The following ZBTB20 variants were observed in gnomAD, a reference collection of about 807,000 sequenced individuals.
The protein encoded by ZBTB20 is zinc finger and BTB domain containing 20, also known as zinc finger and BTB domain-containing protein 20.
ZBTB20 carries 9 observed loss-of-function variants against 56.9 expected under a neutral mutation model. The observed-to-expected ratio is 0.16, with a 90% CI of 0.10 to 0.28. ZBTB20 has a LOEUF of 0.28. ZBTB20 is among the 10% of genes least tolerant of loss of function. The pLI, the probability that ZBTB20 is intolerant of heterozygous loss-of-function variation, is 1.00. For synonymous variants in ZBTB20, 417 were observed against 420.7 expected (o/e 0.99, Z 0.11); for missense variants, 655 against 1,003.0 (o/e 0.65, Z 4.69).
rs1486870895 is a variant in ZBTB20, at chr3:114,323,562, AAGC to A, written c.*15440_*15442del. 6.6e-6 allele frequency: 1 copy of A among 152,226 alleles called. No homozygotes were observed. The highest frequency in any genetic ancestry group is 6.5e-5 in the Admixed American group (1 of 15,272). 9.4% of individuals were successfully genotyped at this position (152,226 alleles called of 1,614,324 possible). The stretch of plus-strand genomic sequence containing the variant: ...CCCTCTGCCACACTAAAATGTGCAC[AAGC>A]AAGGGGCTTTGTGGAGGAGGCCAAG... On this transcript the variant is annotated 3_prime_UTR_variant, in exon 12 of 12. Transcript: ENST00000675478.
intron 7 of ZBTB20, among the ~76,000 whole-genome samples, chr3:114,493,511 T>A (rs1033770091): frequency 1.3e-5 from 2 of 152,212 alleles, no homozygotes; most frequent in Admixed American, 1.3e-4. Flanking sequence ...ACCAAGGACC[T>A]GTTATCATCA....
At chr3:114,828,074 T>C (rs755823659) in intron 4 of ZBTB20, among the ~76,000 whole-genome samples, 1 of 151,780 alleles carries the variant, frequency 6.6e-6, no homozygotes, top group Non-Finnish European at 1.5e-5. Flanking sequence ...ATATATGTTT[T>C]ACAAACATAT....
chr3:114,902,519 T>A (rs1432377396), intron 3 of ZBTB20, among the ~76,000 whole-genome samples: 1 of 152,212 alleles, frequency 6.6e-6, no homozygotes, highest in Non-Finnish European at 1.5e-5. Context: ...ACACTAGGTT[T>A]ATTTTTTATA....
At chr3:114,594,828 C>T (rs927956389) in intron 6 of ZBTB20, among the ~76,000 whole-genome samples, 1 of 152,148 alleles carries the variant, frequency 6.6e-6, no homozygotes, top group Admixed American at 6.5e-5. Flanking sequence ...ATGGTTAATG[C>T]TGTGTATGTT....
intron 6 of ZBTB20, among the ~76,000 whole-genome samples, chr3:114,672,057 T>C (rs1053120761): frequency 1.3e-5 from 2 of 152,166 alleles, no homozygotes; most frequent in African/African-American, 2.4e-5. Flanking sequence ...TGTCTGTCTA[T>C]AGTTTTTCCT....
intron 3 of ZBTB20, among the ~76,000 whole-genome samples, chr3:114,943,564 C>A (rs144328977): frequency 0.011 from 1,524 of 145,088 alleles, 75 homozygotes; most frequent in Middle Eastern, 0.017. Context: ...TATTCTAGAA[C>A]TAAAAATAAA....
intron 6 of ZBTB20, among the ~76,000 whole-genome samples, chr3:114,680,590 T>C (rs2061912461): frequency 1.3e-5 from 2 of 152,236 alleles, no homozygotes; most frequent in Admixed American, 1.3e-4. Flanking sequence ...GATAGAGTCA[T>C]TCACTCAATC....
chr3:115,057,208 T>C (rs1219824641), intron 2 of ZBTB20, among the ~76,000 whole-genome samples: 4 of 152,146 alleles, frequency 2.6e-5, no homozygotes, highest in Non-Finnish European at 5.9e-5. Flanking sequence ...TATAAGAAAG[T>C]TTAAATCCAT....
At chr3:114,410,441 GA>G (rs747889774) in intron 7 of ZBTB20, among the ~76,000 whole-genome samples, 4 of 152,132 alleles carry the variant, frequency 2.6e-5, no homozygotes, top group African/African-American at 7.2e-5. Flanking sequence ...GAAAAACTAA[GA>G]AATTAAATAT....
chr3:114,531,127 A>G (rs2047795979), intron 6 of ZBTB20, among the ~76,000 whole-genome samples: 1 of 152,160 alleles, frequency 6.6e-6, no homozygotes, highest in African/African-American at 2.4e-5. Flanking sequence ...TTTTAAGAAA[A>G]TCTAAATATT....
intron 4 of ZBTB20, among the ~76,000 whole-genome samples, chr3:114,872,676 A>G (rs974259784): frequency 5.3e-5 from 8 of 152,060 alleles, no homozygotes; most frequent in Admixed American, 3.3e-4. Flanking sequence ...AGTATTTATT[A>G]AATACTCATA....
At chr3:114,604,999 C>A (rs1175090836) in intron 6 of ZBTB20, among the ~76,000 whole-genome samples, 2 of 151,698 alleles carry the variant, frequency 1.3e-5, no homozygotes, top group Non-Finnish European at 2.9e-5. Flanking sequence ...TAAGTAAAAT[C>A]TATTTATTAA....
At chr3:114,844,626 A>T (rs6794984) in intron 4 of ZBTB20, among the ~76,000 whole-genome samples, 39,368 of 147,934 alleles carry the variant, frequency 0.27, 5,642 homozygotes, top group African/African-American at 0.35. Flanking sequence ...TTAACTTTTT[A>T]AAAACTGTCA....
intron 6 of ZBTB20, among the ~76,000 whole-genome samples, chr3:114,533,388 A>G (rs1047771755): frequency 6.6e-6 from 1 of 151,800 alleles, no homozygotes; most frequent in African/African-American, 2.4e-5. Context: ...AAGAAAGGAT[A>G]TCAGAGATGA....
chr3:115,118,932 A>G (rs1188085636), intron 1 of ZBTB20, among the ~76,000 whole-genome samples: 11 of 152,126 alleles, frequency 7.2e-5, no homozygotes, highest in Non-Finnish European at 1.6e-4. Flanking sequence ...TATTTTAGAA[A>G]GAGAATGACC....
At chr3:115,076,525 C>A (rs1016405833) in intron 1 of ZBTB20, among the ~76,000 whole-genome samples, 1 of 152,054 alleles carries the variant, frequency 6.6e-6, no homozygotes, top group African/African-American at 2.4e-5. Context: ...CTTTATCTTA[C>A]AACATACACA....
chr3:114,424,845 CT>C (rs2089509104), intron 7 of ZBTB20, among the ~76,000 whole-genome samples: 1 of 152,170 alleles, frequency 6.6e-6, no homozygotes, highest in African/African-American at 2.4e-5. Context: ...TACTGTCATT[CT>C]GAAGAAAGCT....
intron 5 of ZBTB20, among the ~76,000 whole-genome samples, chr3:114,728,658 C>T (rs1011828057): frequency 6.6e-6 from 1 of 152,116 alleles, no homozygotes; most frequent in African/African-American, 2.4e-5. Flanking sequence ...GAAATAAAAC[C>T]GTGAATAGTG....
At chr3:114,574,631 A>G (rs2053810361) in intron 6 of ZBTB20, among the ~76,000 whole-genome samples, 1 of 152,134 alleles carries the variant, frequency 6.6e-6, no homozygotes, top group Non-Finnish European at 1.5e-5. Context: ...TCTGATTGTA[A>G]CACCATAGTC....
Sources: gnomAD v4.1 joint callset for allele counts (sites outside exome capture counted in the v4.1 genomes callset) on GRCh38, gnomAD v4.1.1 for gene constraint, MANE v1.5 for transcripts, NCBI Gene and HGNC (gene_info 2026-07-23, HGNC 2026-07-21) for gene names.